The following BCAS1 variants were observed in gnomAD, a reference collection of about 807,000 sequenced individuals.
BCAS1 encodes the protein breast carcinoma-amplified sequence 1.
A neutral mutation model predicts 65.4 loss-of-function variants in BCAS1; 46 were observed. That is an observed-to-expected ratio of 0.70 (90% confidence interval 0.55 to 0.90). The LOEUF (loss-of-function observed/expected upper bound fraction) is 0.90, where lower values mean the gene tolerates loss of function less well. BCAS1 is among the 40% of genes least tolerant of loss of function. The pLI is 0.00. For synonymous variants in BCAS1, 298 were observed against 293.5 expected, an observed-to-expected ratio of 1.02 and a Z score of -0.16; for missense variants, 793 against 771.2, an observed-to-expected ratio of 1.03 and a Z score of -0.33.
chr20:54,062,987 T>C (rs767613201), intron 1 of BCAS1, among the ~76,000 whole-genome samples: 6 of 152,234 alleles, frequency 3.9e-5, no homozygotes, highest in Non-Finnish European at 7.3e-5. Flanking sequence ...CCTACAGGAC[T>C]AGGTCCAAAC....
At chr20:53,994,622 G>A (rs561714851) in intron 6 of BCAS1, among the ~76,000 whole-genome samples, 1 of 152,144 alleles carries the variant, frequency 6.6e-6, no homozygotes, top group African/African-American at 2.4e-5. Flanking sequence ...CTACTGAAAA[G>A]CTTTCTTCTA....
At chr20:54,037,077 A>G (rs2091912053) in intron 3 of BCAS1, among the ~76,000 whole-genome samples, 1 of 151,142 alleles carries the variant, frequency 6.6e-6, no homozygotes, top group African/African-American at 2.4e-5. Context: ...TGCCAAAGCT[A>G]AAACTTTCAC....
At chr20:53,984,685 T>G (rs928837560) in intron 8 of BCAS1, among the ~76,000 whole-genome samples, 1 of 152,234 alleles carries the variant, frequency 6.6e-6, no homozygotes, top group Non-Finnish European at 1.5e-5. Context: ...AATTAAGGAA[T>G]AGATCTAGAA....
At position 54,053,442 on chromosome 20, in the gene BCAS1, CTCTCACATTGTA is replaced by C. The variant is rs369024539; in HGVS notation, c.142+4631_142+4642del. On this transcript the variant is annotated intron_variant, in intron 3 of 12. Transcript: ENST00000688948. ...AAGAGGTATTTTCCCTGATTGATAT[CTCTCACATTGTA>C]TCGAAAGACAAATAAAAGACTTACA... 6.2e-3 allele frequency among the ~76,000 whole-genome samples: 945 copies of C among 152,308 alleles called. 5 individuals are homozygous for C. Among genetic ancestry groups the C allele is most frequent in the South Asian group, 0.029 (139 of 4,824 alleles).
intron 3 of BCAS1, among the ~76,000 whole-genome samples, chr20:54,029,725 A>G (rs1314666411): frequency 6.6e-6 from 1 of 152,250 alleles, no homozygotes; most frequent in African/African-American, 2.4e-5. Context: ...CTTAATAAAT[A>G]TCACAAACAT....
Position 53,992,664 on chromosome 20 carries a change from T to G in BCAS1, c.928-18A>C, listed in dbSNP as rs1398336863. The G allele has an allele frequency of 1.5e-6, 2 of 1,365,918 alleles. No individual in the cohort carries two copies. Among genetic ancestry groups the G allele is most frequent in the Non-Finnish European group, 2.0e-6 (2 of 1,021,694 alleles). 84.6% of individuals were successfully genotyped at this position (1,365,918 alleles called of 1,614,324 possible). The stretch of plus-strand genomic sequence containing the variant: ...TTCGATGCCTTTGGGGCAACAGCAG[T>G]CACAACCTCAGAACTTTGTTTTTGA... On this transcript the variant is annotated intron_variant, in intron 6 of 12. Coordinates refer to ENST00000688948, the MANE Select transcript of BCAS1 (RefSeq NM_001366298.2).
At chr20:54,002,030 T>C (rs1361051007) in intron 4 of BCAS1, among the ~76,000 whole-genome samples, 1 of 149,910 alleles carries the variant, frequency 6.7e-6, no homozygotes, top group East Asian at 1.9e-4. Flanking sequence ...AATGCCTTTC[T>C]GGTGGTTGGT....
At chr20:53,961,342 T>G (rs2089871991) in intron 10 of BCAS1, among the ~76,000 whole-genome samples, 1 of 152,202 alleles carries the variant, frequency 6.6e-6, no homozygotes, top group Non-Finnish European at 1.5e-5. Flanking sequence ...GCAATATTGT[T>G]TATCAGACCA....
intron 1 of BCAS1, among the ~76,000 whole-genome samples, chr20:54,062,439 C>T (rs566204549): frequency 2.6e-5 from 4 of 152,252 alleles, no homozygotes; most frequent in South Asian, 2.1e-4. Flanking sequence ...CAAGGATACG[C>T]GCAAACACAT....
rs774562304 is a variant in BCAS1 at position 54,035,134 on chromosome 20, C to T, written c.143-6162G>A. Among the ~76,000 whole-genome samples the T allele has an allele frequency of 1.2e-4, 18 of 150,998 alleles. 1 individual carries two copies. The highest frequency in any genetic ancestry group is 2.2e-4 in the African/African-American group (9 of 41,360). On this transcript the variant is annotated intron_variant, in intron 3 of 12. Coordinates refer to ENST00000688948, the MANE Select transcript of BCAS1 (RefSeq NM_001366298.2). ...CCTTACAACATATACAAAAATCGGC[C>T]GGGCTTGGTGGCTCACGCTTGTAAT...
chr20:54,011,246 A>G (rs2091312902), intron 4 of BCAS1, among the ~76,000 whole-genome samples: 1 of 152,162 alleles, frequency 6.6e-6, no homozygotes, highest in South Asian at 2.1e-4. Context: ...CATCAAAACT[A>G]AAAAATTTTG....
chr20:54,059,019 GTGCGAGCTGGGGAAA>G, intron 1 of BCAS1, among the ~76,000 whole-genome samples: 3 of 152,300 alleles, frequency 2.0e-5, no homozygotes, highest in Middle Eastern at 3.4e-3. Flanking sequence ...AGAAGAATGA[GTGCGAGCTGGGGAAA>G]TGCCAGATGC....
chr20:53,954,322 AGAGAGAGAGAGAGG>A (rs746091265), intron 11 of BCAS1, among the ~76,000 whole-genome samples: 1 of 151,780 alleles, frequency 6.6e-6, no homozygotes, highest in Admixed American at 6.6e-5. Flanking sequence ...AGAGAGAGAG[AGAGAGAGAGAGAGG>A]GACCAGGCAT....
At chr20:54,056,069 C>T (rs1027609379) in intron 3 of BCAS1, among the ~76,000 whole-genome samples, 3 of 152,234 alleles carry the variant, frequency 2.0e-5, no homozygotes, top group Non-Finnish European at 2.9e-5. Flanking sequence ...AAGGTACATA[C>T]TTTCACTCAT....
intron 4 of BCAS1, among the ~76,000 whole-genome samples, chr20:54,004,070 GT>G (rs2091125278): frequency 6.6e-6 from 1 of 152,176 alleles, no homozygotes; most frequent in Admixed American, 6.5e-5. Context: ...GAAAGTTTGT[GT>G]CTCCCCAAAA....
intron 9 of BCAS1, among the ~76,000 whole-genome samples, chr20:53,973,253 C>G (rs539890325): frequency 6.6e-6 from 1 of 151,928 alleles, no homozygotes; most frequent in African/African-American, 2.4e-5. Context: ...AACACACAAA[C>G]AGAAAAAAAG....
At position 53,952,214 on chromosome 20, in the gene BCAS1, T is replaced by A. The variant is rs1440991531; in HGVS notation, c.1815+1218A>T. ...CATATTTTGGTATCTATTATTTTAA[T>A]CTCATCCATTCATTCCTTTGTCTAT... On this transcript the variant is annotated intron_variant, in intron 12 of 12. Transcript: ENST00000688948. Among the ~76,000 whole-genome samples the A allele has an allele frequency of 2.6e-5, 4 of 152,366 alleles. No homozygotes were observed. In the South Asian group the frequency reaches 6.2e-4, roughly 24 times the overall value.
intron 8 of BCAS1, among the ~76,000 whole-genome samples, chr20:53,982,105 G>A (rs1327149745): frequency 2.0e-5 from 3 of 152,156 alleles, no homozygotes; most frequent in Non-Finnish European, 4.4e-5. Context: ...AGAAAGGAGG[G>A]TCTTTGAGTG....
chr20:54,058,018 G>C, intron 3 of BCAS1, 67 bp downstream of exon 3: 8 of 1,049,000 alleles, frequency 7.6e-6, no homozygotes, highest in South Asian at 1.4e-5. Context: ...TTTTTTCACC[G>C]TAAACAGCAT....
Sources: gnomAD v4.1 joint callset for allele counts (sites outside exome capture counted in the v4.1 genomes callset) on GRCh38, gnomAD v4.1.1 for gene constraint, MANE v1.5 for transcripts, NCBI Gene and HGNC (gene_info 2026-07-23, HGNC 2026-07-21) for gene names.